The following PLXNA3 variants were observed in gnomAD, a reference collection of about 807,000 sequenced individuals.
PLXNA3 encodes the protein plexin-A3.
PLXNA3 carries 52 observed loss-of-function variants against 118.8 expected under a neutral mutation model. The observed-to-expected ratio is 0.44, with a 90% CI of 0.35 to 0.55. PLXNA3 has a LOEUF of 0.55. Ranked by LOEUF, PLXNA3 falls within the 20% of genes least tolerant of loss-of-function variation. The pLI is 0.01. For missense variants in PLXNA3, 1,660 were observed against 1,730.8 expected, an observed-to-expected ratio of 0.96 and a Z score of 0.73; for synonymous variants, 925 against 762.4, an observed-to-expected ratio of 1.21 and a Z score of -3.51.
Position 154,474,776 on chromosome X carries a change from CTTTTTTTTTTTTTTTTT to C in PLXNA3, c.*2105_*2121del, listed in dbSNP as rs782102676. On this transcript the variant is annotated 3_prime_UTR_variant, in exon 33 of 33. Coordinates refer to ENST00000369682, the MANE Select transcript of PLXNA3 (RefSeq NM_017514.5). ...ACAGGCGTGAGCCACCATGCCTGAC[CTTTTTTTTTTTTTTTTT>C]TTTTTTTTTTTTTGGAGACGGGATC... 7.5e-5 allele frequency: 2 copies of C among 26,768 alleles called. No homozygotes were observed. Among genetic ancestry groups the C allele is most frequent in the Admixed American group, 8.0e-4 (1 of 1,243 alleles). 2.2% of individuals were successfully genotyped at this position (26,768 alleles called of 1,213,427 possible).
In PLXNA3 at chrX:154,463,965, G is replaced by C. The variant is rs781946257; in HGVS notation, c.1562G>C (p.Gly521Ala). ...CVLRHRCCRE[G>A]ACLGASAPHG... is the part of the protein sequence containing the mutation. The stretch of plus-strand genomic sequence containing the variant: ...ACCCCGTGCAGGTGCTGCCGCGAAG[G>C]GGCCTGTCTGGGCGCCTCTGCCCCA... The change falls in exon 7 of 33, where the codon GGG (glycine) becomes GCG (alanine). Residue 521 changes from glycine to alanine, a missense_variant. This residue lies in a region of PLXNA3 where 791 missense variants were observed against 652.1 expected (regional missense o/e 1.21). Transcript: ENST00000369682. The C allele has an allele frequency of 7.6e-6, 9 of 1,178,715 alleles. No homozygotes were observed. Among genetic ancestry groups the C allele is most frequent in the Non-Finnish European group, 3.4e-6 (3 of 880,214 alleles).
chrX:154,470,240 ATCATTTGCTT>A (rs1337105139), intron 29 of PLXNA3, 73 bp downstream of exon 29: 3 of 1,063,435 alleles, frequency 2.8e-6, no homozygotes, highest in Non-Finnish European at 3.8e-6. Context: ...GGGGCCATGG[ATCATTTGCTT>A]CCAGTGGGCC....
Position 154,466,791 on chromosome X carries a change from C to T in PLXNA3, c.3105C>T (p.Ile1035=). 1 of 1,175,451 alleles carries T rather than the reference C, an allele frequency of 8.5e-7. No homozygotes were observed. Among genetic ancestry groups the T allele is most frequent in the Non-Finnish European group, 1.1e-6 (1 of 876,319 alleles). The change falls in exon 17 of 33, where the codon ATC becomes ATT. Residue 1035 remains isoleucine, a splice_region_variant and synonymous_variant. Coordinates refer to ENST00000369682, the MANE Select transcript of PLXNA3 (RefSeq NM_017514.5). ...GCCTTGAGCCCACCTGGAGCATCAT[C>T]AAGTAAGACCCTGGGGGACTGGGGA... The part of the protein sequence containing the change: ...VTRLEPTWSI[I]NGSTAITVSG...
Position 154,470,516 on chromosome X carries a change from C to T in PLXNA3, c.5061C>T (p.Pro1687=), listed in dbSNP as rs997268396. ...FSTAHRGSAL[P]LAIKYMFDFL... ...CAGCCCACCGGGGCTCGGCCCTGCCCCTGGCCATCAAGTACATGTTCGACT... is the reference window on the plus strand; with the variant it reads ...CAGCCCACCGGGGCTCGGCCCTGCCTCTGGCCATCAAGTACATGTTCGACT... The change falls in exon 30 of 33, where the codon CCC becomes CCT. Residue 1687 remains proline (P), a synonymous_variant. Transcript: ENST00000369682. The T allele has an allele frequency of 8.3e-7, 1 of 1,210,433 alleles. No homozygotes were observed. The highest frequency in any genetic ancestry group is 1.7e-5 in the African/African-American group (1 of 57,670).
At position 154,460,456 on chromosome X, in the gene PLXNA3, C is replaced by A; in HGVS notation, c.273C>A (p.Ala91=). Residue 91 remains alanine, a synonymous_variant, in exon 2 of 33, where the codon GCC becomes GCA. Coordinates refer to ENST00000369682, the MANE Select transcript of PLXNA3 (RefSeq NM_017514.5). The part of the protein sequence containing the change: ...PSMRVCAHRL[A]PVDNINKLLL... ...TGCGCGTGTGTGCCCACCGCCTGGC[C>A]CCCGTGGACAACATCAACAAGCTGC... 8.3e-7 allele frequency: 1 copy of A among 1,204,052 alleles called. No homozygotes were observed. The highest frequency in any genetic ancestry group is 1.8e-5 in the South Asian group (1 of 56,402).
Position 154,468,420 on chromosome X carries a change from C to T in PLXNA3, c.4081C>T (p.Arg1361Cys). The T allele has an allele frequency of 2.5e-6, 3 of 1,211,104 alleles. No individual in the cohort carries two copies. The highest frequency in any genetic ancestry group is 3.4e-6 in the Non-Finnish European group (3 of 895,447). The change falls in exon 23 of 33, where the codon CGC (arginine) becomes TGC (cysteine). Residue 1361 changes from arginine (R) to cysteine (C), a missense_variant. By Grantham distance (180) the Arg-to-Cys change is radical (BLOSUM62 -3). Around this residue, in one of 2 missense-constraint regions of PLXNA3, gnomAD observed 869 missense variants for 1,078.7 expected, o/e 0.81. Transcript: ENST00000369682. ...CCAGAGCAGCTTCTCCATGCGCGAC[C>T]GCGGCACCGTGGCCTCGCTCACCAT... Reference protein sequence around the residue: ...EAQSSFSMRDRGTVASLTMVA... With the variant: ...EAQSSFSMRDCGTVASLTMVA...
chrX:154,471,421 G>A, intron 31 of PLXNA3, 67 bp from the exon 32 acceptor site: 1 of 1,149,959 alleles, frequency 8.7e-7, no homozygotes, highest in Non-Finnish European at 1.2e-6. Context: ...GGGGCTGGCT[G>A]GGCAGTGAGG....
At chrX:154,459,882 GCATCTGGGGTCCCAGTTC>G (rs1206347072) in intron 1 of PLXNA3, among the ~76,000 whole-genome samples, 1 of 113,307 alleles carries the variant, frequency 8.8e-6, no homozygotes, top group Non-Finnish European at 1.9e-5. Context: ...CTGAGATGTG[GCATCTGGGGTCCCAGTTC>G]CAGCATCTGC....
intron 32 of PLXNA3, 118 bp downstream of exon 32, chrX:154,471,756 T>C (rs2069186986): frequency 1.5e-6 from 1 of 656,413 alleles, no homozygotes; most frequent in South Asian, 2.9e-5. Flanking sequence ...GACCAGGGCC[T>C]GGGGCCGGCA....
intron 29 of PLXNA3, 22 bp from the exon 30 acceptor site, chrX:154,470,420 G>A: frequency 8.3e-7 from 1 of 1,201,294 alleles, no homozygotes; most frequent in Non-Finnish European, 1.1e-6. Flanking sequence ...CTCATAGCCT[G>A]TGACCTCTCT....
chrX:154,469,850 T>G, intron 28 of PLXNA3, 66 bp downstream of exon 28: 1 of 1,122,508 alleles, frequency 8.9e-7, no homozygotes, highest in African/African-American at 1.8e-5. Flanking sequence ...GTGCCATCGA[T>G]TCTGTAGAGT....
chrX:154,469,235 C>T lies in PLXNA3; in HGVS notation c.4594+20C>T. ...ACCTGGGTGAGGTCCCCACCCTCTC[C>T]TCCTGGCTCCCACTCATACCCTCCT... On this transcript the variant is annotated intron_variant, in intron 26 of 32. Coordinates refer to ENST00000369682, the MANE Select transcript of PLXNA3 (RefSeq NM_017514.5). The T allele has an allele frequency of 8.3e-7, 1 of 1,202,770 alleles. No homozygotes were observed. Among genetic ancestry groups the T allele is most frequent in the Non-Finnish European group, 1.1e-6 (1 of 889,259 alleles).
In PLXNA3 at chrX:154,460,262, G is replaced by A. The variant is rs149048914; in HGVS notation, c.79G>A (p.Val27Met). The A allele has an allele frequency of 6.7e-4, 808 of 1,208,166 alleles. 2 individuals carry two copies. The highest frequency in any genetic ancestry group is 8.6e-4 in the Non-Finnish European group (765 of 893,881). ...ALGNRPFRAFVVTDTTLTHLA... is the reference protein window; with the variant it reads ...ALGNRPFRAFMVTDTTLTHLA... ...GGGCAACAGGCCCTTCCGTGCCTTC[G>A]TGGTGACAGACACCACGCTTACCCA... Residue 27 changes from valine to methionine, a missense_variant, in exon 2 of 33, where the codon GTG becomes ATG. Val to Met is a conservative substitution (Grantham distance 21). This residue lies in a region of PLXNA3 where 791 missense variants were observed against 652.1 expected (regional missense o/e 1.21). Coordinates refer to ENST00000369682, the MANE Select transcript of PLXNA3 (RefSeq NM_017514.5).
intron 1 of PLXNA3, among the ~76,000 whole-genome samples, chrX:154,459,067 A>G (rs1479583445): frequency 9.0e-6 from 1 of 111,332 alleles, no homozygotes; most frequent in Non-Finnish European, 1.9e-5. Context: ...GAAACTTTGC[A>G]GTTTCAAGCT....
intron 4 of PLXNA3, 105 bp from the exon 5 acceptor site, chrX:154,463,286 G>C (rs1557205440): frequency 4.5e-6 from 5 of 1,105,853 alleles, no homozygotes; most frequent in Non-Finnish European, 6.2e-6. Flanking sequence ...AACCCCACCA[G>C]GTCCTGACGT....
In PLXNA3 at chrX:154,467,480, G is replaced by A. The variant is rs374826268; in HGVS notation, c.3441+9G>A. ...CCCACGTGGTGCTGAAGGTGCGGGC[G>A]GGGTGGGGGCGGGGAGGGGCGGGAA... On this transcript the variant is annotated intron_variant, in intron 19 of 32. Coordinates refer to ENST00000369682, the MANE Select transcript of PLXNA3 (RefSeq NM_017514.5). 755 of 1,158,854 alleles carry A rather than the reference G, an allele frequency of 6.5e-4. 3 individuals are homozygous for A. The highest frequency in any genetic ancestry group is 2.1e-3 in the Admixed American group (83 of 39,443).
chrX:154,468,215 G>A lies in PLXNA3; in HGVS notation c.3954G>A (p.Lys1318=). 8.5e-7 allele frequency: 1 copy of A among 1,178,890 alleles called. No individual in the cohort carries two copies. The highest frequency in any genetic ancestry group is 1.7e-5 in the African/African-American group (1 of 57,320). The stretch of plus-strand genomic sequence containing the variant: ...GCATCGAGGCCCACCCGGTGCTCAA[G>A]GAGCTGGATGTGAGCCTCTGCCTGG... ...FPGIEAHPVL[K]ELDTPPNVEK... is the part of the protein sequence containing the mutation. Residue 1318 remains lysine (K), a synonymous_variant, in exon 22 of 33, where the codon AAG becomes AAA. Coordinates refer to ENST00000369682, the MANE Select transcript of PLXNA3 (RefSeq NM_017514.5).
Position 154,469,734 on chromosome X carries a change from C to T in PLXNA3, c.4745C>T (p.Ala1582Val). The change falls in exon 28 of 33, where the codon GCC becomes GTC. Residue 1582 changes from alanine (A) to valine (V), a missense_variant. Physicochemically the swap from Ala to Val is moderately conservative, Grantham distance 64. Coordinates refer to ENST00000369682, the MANE Select transcript of PLXNA3 (RefSeq NM_017514.5). ...LVALVPKQVSAYNMANSFTFT... is the reference protein window; with the variant it reads ...LVALVPKQVSVYNMANSFTFT... ...GCATTGGTGCCCAAACAAGTGTCTG[C>T]CTATAACATGGCCAACTCCTTCACC... is the stretch of plus-strand genomic sequence containing the variant. 1 of 1,211,122 alleles carries T rather than the reference C, an allele frequency of 8.3e-7. No individual in the cohort carries two copies.
rs1557207929 is a variant in PLXNA3 at position 154,467,927 on chromosome X, C to T, written c.3746C>T (p.Ala1249Val). 7 of 1,210,721 alleles carry T rather than the reference C, an allele frequency of 5.8e-6. No individual in the cohort carries two copies. Among genetic ancestry groups the T allele is most frequent in the Non-Finnish European group, 5.6e-6 (5 of 895,262 alleles). Residue 1249 changes from alanine to valine, a missense_variant, in exon 21 of 33, where the codon GCG becomes GTG. Transcript: ENST00000369682. ...GCCTACAAGCGCAAGACTCAGGACG[C>T]GGACCGTACCCTCAAGCGTCTGCAG... is the stretch of plus-strand genomic sequence containing the variant. Reference protein sequence around the residue: ...LVAYKRKTQDADRTLKRLQLQ... With the variant: ...LVAYKRKTQDVDRTLKRLQLQ...
Sources: allele counts gnomAD v4.1 joint callset (sites outside exome capture counted in the v4.1 genomes callset), GRCh38; gene constraint gnomAD v4.1.1; regional missense constraint gnomAD v4.1.1; transcripts MANE v1.5; gene names NCBI Gene and HGNC (gene_info 2026-07-23, HGNC 2026-07-21).